Variants in CYP3A7 observed in about 807,000 individuals in gnomAD.
CYP3A7 encodes the protein cytochrome P450 family 3 subfamily A member 7, also known as cytochrome P450 3A7.
Under a neutral mutation model 55.2 loss-of-function variants are expected in CYP3A7, and 45 were observed. The ratio of observed to expected loss-of-function variants is 0.82; its 90% confidence interval spans 0.64 to 1.05. CYP3A7 has a LOEUF of 1.05. Ranked by LOEUF, CYP3A7 falls within the 50% of genes least tolerant of loss-of-function variation. The pLI is 0.00. For synonymous variants in CYP3A7, 180 were observed against 207.4 expected (o/e 0.87, Z 1.13); for missense variants, 548 against 605.3 (o/e 0.91, Z 0.99).
intron 4 of CYP3A7, among the ~76,000 whole-genome samples, chr7:99,718,825 A>G (rs534326337): frequency 5.9e-5 from 9 of 152,240 alleles, no homozygotes; most frequent in South Asian, 2.1e-4. Flanking sequence ...TACAAGATCA[A>G]CAAACAAAAG....
At chr7:99,729,085 CAAAT>C (rs1563028432) in intron 2 of CYP3A7, among the ~76,000 whole-genome samples, 12 of 152,136 alleles carry the variant, frequency 7.9e-5, no homozygotes, top group Non-Finnish European at 1.8e-4. Context: ...ACCAGCCAGG[CAAAT>C]ACTTATTTTG....
intron 4 of CYP3A7, among the ~76,000 whole-genome samples, chr7:99,720,001 A>C (rs1004142324): frequency 1.3e-4 from 20 of 151,590 alleles, no homozygotes; most frequent in African/African-American, 4.9e-4. Flanking sequence ...AGTCCGAAAA[A>C]CAAACAACAA....
Position 99,710,837 on chromosome 7 carries a change from A to G in CYP3A7, c.921T>C (p.Tyr307=), listed in dbSNP as rs1284626953. Residue 307 remains tyrosine (Y), a synonymous_variant, in exon 10 of 13, where the codon TAT becomes TAC. Coordinates refer to ENST00000336374, the MANE Select transcript of CYP3A7 (RefSeq NM_000765.5). ...AGGAGAGAACACTGCTCGTGGTTTC[A>G]TAGCCAGCAAAAATAAAGATAATTG... is the stretch of plus-strand genomic sequence containing the variant. ...AQSIIFIFAG[Y]ETTSSVLSFI... 3 of 1,613,880 alleles carry G rather than the reference A, an allele frequency of 1.9e-6. No homozygotes were observed. Among genetic ancestry groups the G allele is most frequent in the East Asian group, 2.2e-5 (1 of 44,844 alleles).
chr7:99,725,481 G>A (rs1475547790), intron 2 of CYP3A7, among the ~76,000 whole-genome samples: 1 of 152,178 alleles, frequency 6.6e-6, no homozygotes, highest in Non-Finnish European at 1.5e-5. Context: ...AAAACCTTCA[G>A]AACATCCAAG....
chr7:99,722,058 C>G (rs1459739052), intron 3 of CYP3A7, among the ~76,000 whole-genome samples: 1 of 152,200 alleles, frequency 6.6e-6, no homozygotes, highest in East Asian at 1.9e-4. Context: ...TTCTGTGGAA[C>G]ATCTTTGTCT....
At chr7:99,717,722 A>G in intron 4 of CYP3A7, 83 bp from the exon 5 acceptor site, 1 of 1,504,496 alleles carries the variant, frequency 6.6e-7, no homozygotes, top group Non-Finnish European at 9.1e-7. Flanking sequence ...AACAGGCATC[A>G]TGTATTTAAC....
rs758973184 is a variant in CYP3A7, at chr7:99,709,158, C to T, written c.1130G>A (p.Cys377Tyr). Residue 377 changes from cysteine to tyrosine, a missense_variant, in exon 11 of 13, where the codon TGC (cysteine) becomes TAC (tyrosine). Cys to Tyr is a radical substitution (Grantham distance 194). Transcript: ENST00000336374. ...CCCATTGATTTCAACATCTTTTTTG[C>T]AGACCCTCTCAAGTCTCATAGCAAC... The part of the protein sequence containing the change: ...FPVAMRLERV[C>Y]KKDVEINGMF... 3 of 1,613,846 alleles carry T rather than the reference C, an allele frequency of 1.9e-6. No individual in the cohort carries two copies. Among genetic ancestry groups the T allele is most frequent in the Non-Finnish European group, 2.5e-6 (3 of 1,179,924 alleles).
chr7:99,711,531 G>C (rs1221107988), intron 9 of CYP3A7, among the ~76,000 whole-genome samples: 6 of 152,292 alleles, frequency 3.9e-5, no homozygotes, highest in African/African-American at 1.4e-4. Context: ...CACTTTGGGA[G>C]GCCAAGGTGG....
At chr7:99,723,417 A>G (rs2151523422) in intron 2 of CYP3A7, among the ~76,000 whole-genome samples, 1 of 152,250 alleles carries the variant, frequency 6.6e-6, no homozygotes, top group Non-Finnish European at 1.5e-5. Context: ...TTTAACTGCA[A>G]CTTTCCACTG....
intron 9 of CYP3A7, among the ~76,000 whole-genome samples, chr7:99,711,880 G>A (rs933952140): frequency 6.6e-6 from 1 of 152,184 alleles, no homozygotes; most frequent in Non-Finnish European, 1.5e-5. Context: ...GGTAATTTGT[G>A]TGCATAGCCC....
intron 7 of CYP3A7, 53 bp from the exon 8 acceptor site, chr7:99,714,735 T>G: frequency 6.3e-7 from 1 of 1,593,992 alleles, no homozygotes; most frequent in Non-Finnish European, 8.5e-7. Flanking sequence ...CATACAAAAT[T>G]TACCTGGAGC....
chr7:99,717,650 AAGC>A lies in CYP3A7; in HGVS notation c.319-14_319-12del. 6.2e-7 allele frequency: 1 copy of A among 1,613,180 alleles called. No individual in the cohort carries two copies. ...CACTGGCCCGAAAGGCTAGAGTTCA[AAGC>A]AGAAAGATTTTGTCCTACATCAGTT... On this transcript the variant is annotated splice_polypyrimidine_tract_variant and intron_variant, in intron 4 of 12. Coordinates refer to ENST00000336374, the MANE Select transcript of CYP3A7 (RefSeq NM_000765.5).
In CYP3A7 at chr7:99,717,276, AAC is replaced by A; in HGVS notation, c.433-13_433-12del. On this transcript the variant is annotated splice_polypyrimidine_tract_variant and intron_variant, in intron 5 of 12. Transcript: ENST00000336374. ...AATGATAGGGACCATCTAAGCACAA[AAC>A]ACAACACCACCCATAGTTAAATGTG... The A allele has an allele frequency of 6.2e-7, 1 of 1,613,918 alleles. No individual in the cohort carries two copies. Among genetic ancestry groups the A allele is most frequent in the Non-Finnish European group, 8.5e-7 (1 of 1,179,826 alleles).
chr7:99,717,558 A>T lies in CYP3A7; in HGVS notation c.400T>A (p.Ser134Thr), dbSNP rs749971621. ...EEWKRIRSLL[S>T]PTFTSGKLKE... is the part of the protein sequence containing the mutation. ...AGTTTTCCGCTGGTGAATGTTGGAGACAGCAATGATCGTATTCTCTTCCAT... is the reference window on the plus strand; with the variant it reads ...AGTTTTCCGCTGGTGAATGTTGGAGTCAGCAATGATCGTATTCTCTTCCAT... Residue 134 changes from serine to threonine, a missense_variant, in exon 5 of 13, where the codon TCT becomes ACT. Physicochemically the swap from Ser to Thr is moderately conservative, Grantham distance 58. Coordinates refer to ENST00000336374, the MANE Select transcript of CYP3A7 (RefSeq NM_000765.5). 1 of 1,613,596 alleles carries T rather than the reference A, an allele frequency of 6.2e-7. No individual in the cohort carries two copies. The highest frequency in any genetic ancestry group is 8.5e-7 in the Non-Finnish European group (1 of 1,179,796).
At chr7:99,719,794 T>A (rs1429753689) in intron 4 of CYP3A7, among the ~76,000 whole-genome samples, 2 of 151,986 alleles carry the variant, frequency 1.3e-5, no homozygotes, top group African/African-American at 4.8e-5. Context: ...ACCCACACAC[T>A]CAAGACCAGC....
chr7:99,714,915 T>A (rs570397961), intron 7 of CYP3A7, among the ~76,000 whole-genome samples: 80 of 152,326 alleles, frequency 5.3e-4, no homozygotes, highest in Admixed American at 8.5e-4. Context: ...CTTCTGCATC[T>A]TTTGAATGAT....
intron 11 of CYP3A7, among the ~76,000 whole-genome samples, chr7:99,708,523 C>A (rs1377431323): frequency 6.6e-6 from 1 of 152,010 alleles, no homozygotes; most frequent in Non-Finnish European, 1.5e-5. Flanking sequence ...TTCTTTCTCC[C>A]CCACACCTCC....
At chr7:99,730,975 C>G (rs1290632574) in intron 2 of CYP3A7, 84 bp downstream of exon 2, 1 of 1,551,072 alleles carries the variant, frequency 6.4e-7, no homozygotes, top group African/African-American at 1.4e-5. Flanking sequence ...AGACCTTCCT[C>G]TTGAGGAGAA....
In CYP3A7 at chr7:99,718,687, A is replaced by C. The variant is rs1222118196; in HGVS notation, c.319-1048T>G. ...ATACTGGGAAAAAGAATTAAAAGGC[A>C]TACAGATTGGAAAGGAAATAAAAGA... On this transcript the variant is annotated intron_variant, in intron 4 of 12. Coordinates refer to ENST00000336374, the MANE Select transcript of CYP3A7 (RefSeq NM_000765.5). Among the ~76,000 whole-genome samples, 7 of 152,350 alleles carry C rather than the reference A, an allele frequency of 4.6e-5. No homozygotes were observed. In the East Asian group the frequency reaches 1.3e-3, roughly 29 times the overall value.
Sources: gnomAD v4.1 joint callset for allele counts (sites outside exome capture counted in the v4.1 genomes callset) on GRCh38, gnomAD v4.1.1 for gene constraint, MANE v1.5 for transcripts, NCBI Gene and HGNC (gene_info 2026-07-23, HGNC 2026-07-21) for gene names.